TLE4: variants seen among roughly 807,000 people sequenced by gnomAD.
TLE4 encodes the protein TLE family member 4, transcriptional corepressor.
A neutral mutation model predicts 92.8 loss-of-function variants in TLE4; 8 were observed. That is an observed-to-expected ratio of 0.09 (90% confidence interval 0.05 to 0.16). TLE4 has a LOEUF of 0.16. Ranked by LOEUF, TLE4 falls within the 10% of genes least tolerant of loss-of-function variation. The pLI is 1.00. For synonymous variants in TLE4, 371 were observed against 374.1 expected (o/e 0.99, Z 0.10); for missense variants, 675 against 997.6 (o/e 0.68, Z 4.36).
chr9:79,695,541 A>G (rs2068044529), intron 8 of TLE4, among the ~76,000 whole-genome samples: 1 of 152,170 alleles, frequency 6.6e-6, no homozygotes, highest in Non-Finnish European at 1.5e-5. Context: ...GTGCCCATTC[A>G]TTTGTTCAGC....
rs777088357 is a variant in TLE4, at chr9:79,708,690, C to T, written c.1167C>T (p.Pro389=). 12 of 1,613,810 alleles carry T rather than the reference C, an allele frequency of 7.4e-6. No individual in the cohort carries two copies. The highest frequency in any genetic ancestry group is 5.0e-5 in the Admixed American group (3 of 60,024). ...GAATGAACGGAGAGCTGACCAGCCC[C>T]GGAGCGGCCTACGCTGGGCTCCACA... ...HAGMNGELTS[P]GAAYAGLHNI... Residue 389 remains proline, a synonymous_variant, in exon 13 of 20, where the codon CCC becomes CCT. Coordinates refer to ENST00000376552, the MANE Select transcript of TLE4 (RefSeq NM_007005.6).
At position 79,694,266 on chromosome 9, in the gene TLE4, G is replaced by A. The variant is rs563345008; in HGVS notation, c.610-10517G>A. Among the ~76,000 whole-genome samples the A allele has an allele frequency of 3.3e-5, 5 of 152,306 alleles. No homozygotes were observed. The South Asian group carries it at 6.2e-4, about 19-fold the overall frequency. On this transcript the variant is annotated intron_variant, in intron 8 of 19. Transcript: ENST00000376552. ...AATGGAGCTAAGATATTTTTCATCA[G>A]TCCTTTATAATTTAGTTCTCTGACC...
At chr9:79,627,083 T>C (rs1173350737) in intron 5 of TLE4, among the ~76,000 whole-genome samples, 4 of 152,136 alleles carry the variant, frequency 2.6e-5, no homozygotes, top group Non-Finnish European at 5.9e-5. Flanking sequence ...AGATGGGTGG[T>C]CCAAGTGTAC....
chr9:79,724,998 T>C, intron 19 of TLE4, 39 bp from the exon 20 acceptor site: 4 of 1,516,872 alleles, frequency 2.6e-6, no homozygotes, highest in Middle Eastern at 1.7e-4. Context: ...GGATTTTCTT[T>C]CAGTATTTAA....
intron 6 of TLE4, among the ~76,000 whole-genome samples, chr9:79,631,232 A>T (rs1564509807): frequency 1.3e-5 from 2 of 152,202 alleles, no homozygotes. Flanking sequence ...ATGACAGCGT[A>T]AACTGTGTTA....
intron 1 of TLE4, chr9:79,573,331 C>T (rs977265249): frequency 9.3e-7 from 1 of 1,079,392 alleles, no homozygotes; most frequent in Non-Finnish European, 1.1e-6. Flanking sequence ...AGCCCGACGC[C>T]ATGGCGCGGG....
At position 79,572,695 on chromosome 9, in the gene TLE4, C is replaced by G; in HGVS notation, c.-96C>G. ...GCCCGAGCCGCCCCTCAGACCGAGC[C>G]GGCCGCCTCCGCTGCCGCGGCCGCC... On this transcript the variant is annotated 5_prime_UTR_variant, in exon 1 of 20. Coordinates refer to ENST00000376552, the MANE Select transcript of TLE4 (RefSeq NM_007005.6). 1 of 1,356,008 alleles carries G rather than the reference C, an allele frequency of 7.4e-7. No individual in the cohort carries two copies. Among genetic ancestry groups the G allele is most frequent in the Non-Finnish European group, 1.0e-6 (1 of 976,896 alleles). The allele number at this position is 1,356,008 out of a possible 1,614,324, so 84.0% of individuals were successfully genotyped here.
chr9:79,621,341 G>T (rs1231255209), intron 5 of TLE4, among the ~76,000 whole-genome samples: 1 of 152,158 alleles, frequency 6.6e-6, no homozygotes, highest in Non-Finnish European at 1.5e-5. Context: ...ATGACACAGA[G>T]AAATTGTTGA....
At chr9:79,580,715 CTT>C (rs371897356) in intron 4 of TLE4, among the ~76,000 whole-genome samples, 4 of 141,018 alleles carry the variant, frequency 2.8e-5, no homozygotes, top group Non-Finnish European at 6.2e-5. Flanking sequence ...TACCCAGTGC[CTT>C]TTTTTTTTTC....
chr9:79,611,623 C>T (rs2048375428), intron 4 of TLE4, among the ~76,000 whole-genome samples: 1 of 151,986 alleles, frequency 6.6e-6, no homozygotes, highest in Non-Finnish European at 1.5e-5. Context: ...AATTGCTTTA[C>T]ATTTTCTGCC....
intron 4 of TLE4, 85 bp downstream of exon 4, chr9:79,576,262 C>T (rs767062388): frequency 9.3e-7 from 1 of 1,070,868 alleles, no homozygotes; most frequent in African/African-American, 1.6e-5. Context: ...CAGTTTTATT[C>T]TGCAAGCCGT....
chr9:79,606,394 A>G lies in TLE4; in HGVS notation c.253-6262A>G, dbSNP rs552878211. ...GTGTGTTTTTTTTTTTTTTTTAAAT[A>G]CTTTTTAAGTTCTAGGGTGCATGTG... On this transcript the variant is annotated intron_variant, in intron 4 of 19. Coordinates refer to ENST00000376552, the MANE Select transcript of TLE4 (RefSeq NM_007005.6). 1.7e-3 allele frequency among the ~76,000 whole-genome samples: 217 copies of G among 126,604 alleles called. 2 individuals carry two copies. Among genetic ancestry groups the G allele is most frequent in the African/African-American group, 5.4e-3 (183 of 33,608 alleles). The allele number at this position is 126,604 out of a possible 152,430, so 83.1% of individuals were successfully genotyped here. A position where few individuals can be genotyped will look rare whatever the true frequency, so the allele number is the denominator to read the frequency against.
chr9:79,574,313 C>T (rs2036986935), intron 2 of TLE4: 1 of 152,200 alleles, frequency 6.6e-6, no homozygotes, highest in Non-Finnish European at 1.5e-5. Context: ...TTTAATGATG[C>T]CTAATTCTTA....
At chr9:79,583,541 T>TG (rs1384606308) in intron 4 of TLE4, among the ~76,000 whole-genome samples, 1 of 152,222 alleles carries the variant, frequency 6.6e-6, no homozygotes, top group Non-Finnish European at 1.5e-5. Context: ...AGGGCCCTGT[T>TG]GCTTGCAGCA....
chr9:79,671,510 T>G (rs1050874247), intron 8 of TLE4: 24 of 306,764 alleles, frequency 7.8e-5, no homozygotes, highest in African/African-American at 5.0e-4. Context: ...TTCCTCTAAT[T>G]GTGTGGGGAG....
At chr9:79,633,646 A>G (rs1026612606) in intron 6 of TLE4, among the ~76,000 whole-genome samples, 1 of 152,152 alleles carries the variant, frequency 6.6e-6, no homozygotes, top group Non-Finnish European at 1.5e-5. Flanking sequence ...GAATAAGGCA[A>G]CCTGCAAGCT....
At chr9:79,576,903 A>G (rs1268922361) in intron 4 of TLE4, 1 of 151,940 alleles carries the variant, frequency 6.6e-6, no homozygotes, top group African/African-American at 2.4e-5. Flanking sequence ...GTTTGGCTTA[A>G]ATTTCCTAGA....
At chr9:79,674,625 G>A (rs2062959461) in intron 8 of TLE4, among the ~76,000 whole-genome samples, 1 of 152,150 alleles carries the variant, frequency 6.6e-6, no homozygotes, top group Non-Finnish European at 1.5e-5. Flanking sequence ...TTGTAGTAGT[G>A]CTGTTGTGAT....
intron 5 of TLE4, among the ~76,000 whole-genome samples, chr9:79,614,673 C>T (rs1295750959): frequency 1.3e-5 from 2 of 152,150 alleles, no homozygotes; most frequent in South Asian, 2.1e-4. Flanking sequence ...CCTTGACTCA[C>T]GTATAATGAT....
Sources: allele counts gnomAD v4.1 joint callset (sites outside exome capture counted in the v4.1 genomes callset), GRCh38; gene constraint gnomAD v4.1.1; transcripts MANE v1.5; gene names NCBI Gene and HGNC (gene_info 2026-07-23, HGNC 2026-07-21).